Variants in SYNRG observed in about 807,000 individuals in gnomAD.
SYNRG encodes the protein AP1 gamma subunit binding protein 1.
Under a neutral mutation model 130.9 loss-of-function variants are expected in SYNRG, and 37 were observed. That is an observed-to-expected ratio of 0.28 (90% CI 0.22 to 0.37). The LOEUF is 0.37. Among genes scored for constraint, SYNRG ranks in the 10% least tolerant of loss-of-function variants. SYNRG has a pLI of 1.00. For synonymous variants in SYNRG, 539 were observed against 568.1 expected, an observed-to-expected ratio of 0.95 and a Z score of 0.73; for missense variants, 1,338 against 1,588.9, an observed-to-expected ratio of 0.84 and a Z score of 2.68.
At chr17:37,549,367 T>C (rs2058543685) in intron 14 of SYNRG, among the ~76,000 whole-genome samples, 1 of 152,174 alleles carries the variant, frequency 6.6e-6, no homozygotes, top group African/African-American at 2.4e-5. Context: ...ATATTTTCCA[T>C]GTTTGGCCTA....
At chr17:37,539,374 G>GT (rs796433166) in intron 16 of SYNRG, 129 bp from the exon 17 acceptor site, 482 of 984,470 alleles carry the variant, frequency 4.9e-4, no homozygotes, top group Non-Finnish European at 6.3e-4. Flanking sequence ...AGCAGTTTAT[G>GT]TTTTTTTTGT....
chr17:37,553,998 T>C lies in SYNRG; in HGVS notation c.1725A>G (p.Thr575=), dbSNP rs2058908991. ...GTDDGFTDFK[T]ADSVSPLEPP... is the part of the protein sequence containing the mutation. ...GCTCTAGTGGTGATACACTATCGGCTGTTTTAAAATCGGTGAAACCATCAT... is the reference window on the plus strand; with the variant it reads ...GCTCTAGTGGTGATACACTATCGGCCGTTTTAAAATCGGTGAAACCATCAT... Residue 575 remains threonine, a synonymous_variant, in exon 14 of 22, where the codon ACA becomes ACG. Transcript: ENST00000612223. The C allele has an allele frequency of 6.2e-7, 1 of 1,608,254 alleles. No homozygotes were observed. The highest frequency in any genetic ancestry group is 8.5e-7 in the Non-Finnish European group (1 of 1,178,786).
chr17:37,564,338 G>C lies in SYNRG; in HGVS notation c.1482-2749C>G, dbSNP rs559963434. On this transcript the variant is annotated intron_variant, in intron 11 of 21. Transcript: ENST00000612223. ...TCCTTTGACTATCTAGTTTAACACC[G>C]AGTCTAGCCAATTTCTCAGATATAA... Among the ~76,000 whole-genome samples, 9 of 152,212 alleles carry C rather than the reference G, an allele frequency of 5.9e-5. No individual in the cohort carries two copies. The South Asian group carries it at 1.9e-3, about 32-fold the overall frequency.
intron 2 of SYNRG, among the ~76,000 whole-genome samples, 167 bp downstream of exon 2, chr17:37,600,196 G>T (rs150564830): frequency 9.5e-4 from 144 of 152,312 alleles, no homozygotes; most frequent in Admixed American, 2.9e-3. Flanking sequence ...TATAATTTTT[G>T]AGAAAATTTA....
chr17:37,521,314 G>A (rs2055025821), intron 19 of SYNRG, among the ~76,000 whole-genome samples: 2 of 152,210 alleles, frequency 1.3e-5, no homozygotes, highest in Admixed American at 6.5e-5. Context: ...ACAGGCATAA[G>A]CCACCGTGCC....
intron 1 of SYNRG, among the ~76,000 whole-genome samples, chr17:37,603,780 G>A (rs2063502095): frequency 6.6e-6 from 1 of 152,240 alleles, no homozygotes; most frequent in African/African-American, 2.4e-5. Context: ...AGTAGATTTA[G>A]CATACTTTTG....
At chr17:37,532,220 C>A (rs1032777365) in intron 19 of SYNRG, among the ~76,000 whole-genome samples, 2 of 152,302 alleles carry the variant, frequency 1.3e-5, no homozygotes, top group Middle Eastern at 6.8e-3. Flanking sequence ...AAAACACAGT[C>A]TTGATCTCTG....
At position 37,600,405 on chromosome 17, in the gene SYNRG, TG is replaced by T; in HGVS notation, c.78-3del. The T allele has an allele frequency of 6.2e-7, 1 of 1,613,690 alleles. No individual in the cohort carries two copies. Among genetic ancestry groups the T allele is most frequent in the Non-Finnish European group, 8.5e-7 (1 of 1,179,794 alleles). The stretch of plus-strand genomic sequence containing the variant: ...CCACCTGCAACAGGAAACATGAAGC[TG>T]AAAACAGAATAAAAATACATTATAA... On this transcript the variant is annotated splice_polypyrimidine_tract_variant and splice_region_variant and intron_variant, in intron 1 of 21. Transcript: ENST00000612223.
chr17:37,573,244 AT>A (rs1024647669), intron 8 of SYNRG, among the ~76,000 whole-genome samples: 24 of 152,180 alleles, frequency 1.6e-4, no homozygotes, highest in Non-Finnish European at 3.4e-4. Context: ...TCTACTAAAA[AT>A]AAAAAAAATT....
rs2058833057 is a variant in SYNRG, at chr17:37,553,106, A to G, written c.2608+9T>C. 3 of 1,607,452 alleles carry G rather than the reference A, an allele frequency of 1.9e-6. No homozygotes were observed. The highest frequency in any genetic ancestry group is 2.5e-6 in the Non-Finnish European group (3 of 1,178,258). ...CACCATCACCAGAGCAATCTCACCA[A>G]TTCCTCACCTGCAGCAGGAGGATGC... On this transcript the variant is annotated intron_variant, in intron 14 of 21. Transcript: ENST00000612223.
At chr17:37,557,907 C>G (rs1490721357) in intron 13 of SYNRG, among the ~76,000 whole-genome samples, 1 of 152,118 alleles carries the variant, frequency 6.6e-6, no homozygotes, top group Non-Finnish European at 1.5e-5. Flanking sequence ...TTTGGTGACA[C>G]CACTGTCTTT....
At chr17:37,521,258 G>A (rs1264635479) in intron 19 of SYNRG, among the ~76,000 whole-genome samples, 1 of 152,168 alleles carries the variant, frequency 6.6e-6, no homozygotes, top group East Asian at 1.9e-4. Context: ...TTGAACTCCT[G>A]ATTGCAGGTG....
At chr17:37,529,778 G>A (rs2056415798) in intron 19 of SYNRG, 1 of 1,551,158 alleles carries the variant, frequency 6.4e-7, no homozygotes, top group African/African-American at 1.4e-5. Context: ...TGGTCTCTGT[G>A]ATACCTTTTC....
At chr17:37,602,164 C>T (rs1016286169) in intron 1 of SYNRG, among the ~76,000 whole-genome samples, 2 of 151,886 alleles carry the variant, frequency 1.3e-5, no homozygotes, top group Admixed American at 6.6e-5. Context: ...GGAGAAACCC[C>T]ATCTCTACTA....
intron 14 of SYNRG, among the ~76,000 whole-genome samples, chr17:37,546,277 A>G (rs961614005): frequency 1.3e-5 from 2 of 152,224 alleles, no homozygotes; most frequent in African/African-American, 2.4e-5. Context: ...GAGAAAAAGG[A>G]AAAAGAAAAT....
chr17:37,579,690 A>G (rs2061133742), intron 6 of SYNRG, among the ~76,000 whole-genome samples: 1 of 152,136 alleles, frequency 6.6e-6, no homozygotes, highest in Non-Finnish European at 1.5e-5. Flanking sequence ...AAAAGGTAAA[A>G]CTAAAAATAC....
chr17:37,577,285 CA>C, intron 7 of SYNRG, 94 bp downstream of exon 7: 1 of 1,175,204 alleles, frequency 8.5e-7, no homozygotes, highest in Non-Finnish European at 1.2e-6. Context: ...TTAGCAAAAT[CA>C]AGCAGCATTC....
chr17:37,546,256 G>A (rs1163657199), intron 14 of SYNRG, among the ~76,000 whole-genome samples: 3 of 152,102 alleles, frequency 2.0e-5, no homozygotes, highest in African/African-American at 7.2e-5. Flanking sequence ...GCCGAATTCT[G>A]AAAATTGCAA....
chr17:37,557,657 T>C (rs183773740), intron 13 of SYNRG, among the ~76,000 whole-genome samples: 12 of 152,278 alleles, frequency 7.9e-5, no homozygotes, highest in Middle Eastern at 6.8e-3. Context: ...GCTGGAAAGA[T>C]TGCTTGAGGC....
Sources: gnomAD v4.1 joint callset for allele counts (sites outside exome capture counted in the v4.1 genomes callset) on GRCh38, gnomAD v4.1.1 for gene constraint, MANE v1.5 for transcripts, NCBI Gene and HGNC (gene_info 2026-07-23, HGNC 2026-07-21) for gene names.